RANBP2: variants seen among roughly 807,000 people sequenced by gnomAD.
The protein encoded by RANBP2 is RAN binding protein 2, also known as E3 SUMO-protein ligase RanBP2.
In RANBP2, 57 loss-of-function variants were observed where a neutral mutation model predicts 303.6. The observed-to-expected ratio is 0.19, with a 90% CI of 0.15 to 0.23. The LOEUF is 0.23. Among genes scored for constraint, RANBP2 ranks in the 10% least tolerant of loss-of-function variants. The pLI is 1.00. For synonymous variants in RANBP2, 1,167 were observed against 1,301.5 expected (o/e 0.90, Z 2.23); for missense variants, 3,138 against 3,780.8 (o/e 0.83, Z 4.46).
At chr2:109,637,161 T>C in the RANBP2 span, among the ~76,000 whole-genome samples, 56,074 of 147,384 alleles carry the variant, frequency 0.38, 9,157 homozygotes, top group African/African-American at 0.44. Context: ...TGGACGTGCA[T>C]GTAAGCCAGA....
At chr2:109,570,337 T>C in the RANBP2 span, among the ~76,000 whole-genome samples, 25 of 152,220 alleles carry the variant, frequency 1.6e-4, no homozygotes, top group Non-Finnish European at 2.6e-4. Context: ...AAAGGTAATA[T>C]TGTAATGCTC....
chr2:108,905,821 T>G, the RANBP2 span, among the ~76,000 whole-genome samples: 3 of 151,322 alleles, frequency 2.0e-5, no homozygotes, highest in African/African-American at 7.4e-5. Context: ...GCCCAGGTTA[T>G]GGGGAGACAG....
the RANBP2 span, among the ~76,000 whole-genome samples, chr2:109,465,614 T>C: frequency 6.6e-6 from 1 of 152,316 alleles, no homozygotes; most frequent in Non-Finnish European, 1.5e-5. Context: ...TATAAAGAAA[T>C]ACCTGAGACT....
the RANBP2 span, among the ~76,000 whole-genome samples, chr2:109,228,979 C>A: frequency 6.6e-6 from 1 of 152,278 alleles, no homozygotes; most frequent in Admixed American, 6.5e-5. Context: ...TTTCTGGTGA[C>A]CAGCCTTCAT....
chr2:108,867,026 GTTAA>G, the RANBP2 span, among the ~76,000 whole-genome samples: 10 of 152,026 alleles, frequency 6.6e-5, no homozygotes, highest in African/African-American at 2.2e-4. Context: ...TTATTTTTAG[GTTAA>G]TTAAAGGGGA....
At chr2:109,380,477 GC>G in the RANBP2 span, among the ~76,000 whole-genome samples, 3 of 152,292 alleles carry the variant, frequency 2.0e-5, no homozygotes, top group South Asian at 6.2e-4. Flanking sequence ...CATGGGGAAT[GC>G]CCCACTGACC....
At chr2:108,970,240 C>A in the RANBP2 span, among the ~76,000 whole-genome samples, 2 of 152,140 alleles carry the variant, frequency 1.3e-5, no homozygotes, top group Admixed American at 6.5e-5. Context: ...TTTAGCAGAA[C>A]CCCAGGTGGT....
the RANBP2 span, chr2:109,130,148 CG>C: frequency 7.8e-7 from 1 of 1,276,462 alleles, no homozygotes; most frequent in Non-Finnish European, 9.9e-7. Context: ...GGCCACGGCA[CG>C]TGGGAGTGTG....
chr2:109,435,746 C>A, the RANBP2 span, among the ~76,000 whole-genome samples: 1 of 152,364 alleles, frequency 6.6e-6, no homozygotes, highest in African/African-American at 2.4e-5. Context: ...AGTGACTCAT[C>A]ATTTGTGAGC....
At chr2:109,376,371 G>A in the RANBP2 span, among the ~76,000 whole-genome samples, 1 of 152,318 alleles carries the variant, frequency 6.6e-6, no homozygotes, top group African/African-American at 2.4e-5. Flanking sequence ...GAATCAGCTC[G>A]GGTTGGAGAG....
chr2:108,739,706 C>A (rs1176169707), intron 6 of RANBP2, among the ~76,000 whole-genome samples: 2 of 152,266 alleles, frequency 1.3e-5, no homozygotes, highest in East Asian at 3.9e-4. Flanking sequence ...AAATAATAGG[C>A]CAGGCGTAGT....
chr2:109,432,731 G>A, the RANBP2 span: 171,455 of 1,548,186 alleles, frequency 0.11, 9,867 homozygotes, highest in African/African-American at 0.16. Flanking sequence ...ACGCCTTACC[G>A]CTGTTGTTAC....
At chr2:109,598,107 G>C in the RANBP2 span, among the ~76,000 whole-genome samples, 2 of 152,034 alleles carry the variant, frequency 1.3e-5, no homozygotes, top group East Asian at 3.9e-4. Context: ...TCGTTGCCCA[G>C]GCTGGAGTGC....
chr2:109,277,570 T>C, the RANBP2 span, among the ~76,000 whole-genome samples: 2 of 152,170 alleles, frequency 1.3e-5, no homozygotes, highest in African/African-American at 4.8e-5. Flanking sequence ...GAGACTTACG[T>C]GTACACTGTC....
the RANBP2 span, among the ~76,000 whole-genome samples, chr2:109,676,783 C>T: frequency 2.0e-5 from 3 of 152,306 alleles, no homozygotes; most frequent in African/African-American, 7.2e-5. Flanking sequence ...CCACGCCCAG[C>T]ATCAGAGGCT....
At chr2:109,588,964 A>C in the RANBP2 span, among the ~76,000 whole-genome samples, 1 of 152,112 alleles carries the variant, frequency 6.6e-6, no homozygotes, top group Non-Finnish European at 1.5e-5. Flanking sequence ...GAAGAAAATG[A>C]AAGGACAATG....
At chr2:108,807,614 T>TTTTTG in the RANBP2 span, among the ~76,000 whole-genome samples, 1 of 152,204 alleles carries the variant, frequency 6.6e-6, no homozygotes. Flanking sequence ...CTGGTTCTTC[T>TTTTTG]TTTTGTTTTG....
At chr2:109,354,851 T>G in the RANBP2 span, among the ~76,000 whole-genome samples, 1 of 152,258 alleles carries the variant, frequency 6.6e-6, no homozygotes, top group Non-Finnish European at 1.5e-5. Flanking sequence ...AAATGCACTT[T>G]AAAGACTCCT....
At chr2:109,418,196 C>T in the RANBP2 span, among the ~76,000 whole-genome samples, 47 of 152,098 alleles carry the variant, frequency 3.1e-4, no homozygotes, top group East Asian at 1.5e-3. Flanking sequence ...TTCTGCCCCT[C>T]GTCAGGCCTA....
Sources: gnomAD v4.1 joint callset for allele counts (sites outside exome capture counted in the v4.1 genomes callset) on GRCh38, gnomAD v4.1.1 for gene constraint, MANE v1.5 for transcripts, NCBI Gene and HGNC (gene_info 2026-07-23, HGNC 2026-07-21) for gene names.